Variants in GLIS3 observed in about 807,000 individuals in gnomAD.
The protein encoded by GLIS3 is zinc finger protein GLIS3.
In GLIS3, 53 loss-of-function variants were observed where a neutral mutation model predicts 78.6. The ratio of observed to expected loss-of-function variants is 0.67; its 90% CI spans 0.54 to 0.85. GLIS3 has a LOEUF of 0.85. Among genes scored for constraint, GLIS3 ranks in the 40% least tolerant of loss-of-function variants. The pLI is 0.00. For synonymous variants in GLIS3, 684 were observed against 509.9 expected (o/e 1.34, Z -4.60); for missense variants, 1,703 against 1,231.1 (o/e 1.38, Z -5.74).
At chr9:4,176,814 G>C (rs932036867) in intron 2 of GLIS3, among the ~76,000 whole-genome samples, 4 of 152,190 alleles carry the variant, frequency 2.6e-5, no homozygotes, top group African/African-American at 9.7e-5. Context: ...AGTAGACATG[G>C]GGTTTCACCA....
At chr9:4,232,759 T>C (rs1432955685) in intron 2 of GLIS3, among the ~76,000 whole-genome samples, 1 of 152,200 alleles carries the variant, frequency 6.6e-6, no homozygotes, top group African/African-American at 2.4e-5. Flanking sequence ...ATTAAGAGAC[T>C]ATCTGTGTCA....
intron 6 of GLIS3, among the ~76,000 whole-genome samples, chr9:3,915,007 CAT>C (rs1379296197): frequency 2.1e-3 from 2 of 950 alleles, no homozygotes; most frequent in African/African-American, 8.3e-3. Context: ...TAGAGCAATG[CAT>C]GTCTTAGAGC....
At position 4,320,010 on chromosome 9, in the gene GLIS3, TGTGTGTGTGTGTGTGC is replaced by T. The variant is rs1266010864; in HGVS notation, n.265-9498_265-9483del. On this transcript the variant is annotated intron_variant and non_coding_transcript_variant, in intron 2 of 4. Transcript: ENST00000471664. ...GTGTGTGTGTGTGTGTGTGTGTGTG[TGTGTGTGTGTGTGTGC>T]GCGCGCACAAGAGTCAAATTAGTTG... Among the ~76,000 whole-genome samples the T allele has an allele frequency of 9.8e-3, 416 of 42,540 alleles. 1 individual carries two copies. The highest frequency in any genetic ancestry group is 0.029 in the East Asian group (32 of 1,086). The allele number at this position is 42,540 out of a possible 152,430, so 27.9% of individuals were successfully genotyped here.
At chr9:4,196,775 A>G (rs1381694947) in intron 2 of GLIS3, among the ~76,000 whole-genome samples, 1 of 152,190 alleles carries the variant, frequency 6.6e-6, no homozygotes, top group African/African-American at 2.4e-5. Flanking sequence ...AGTCAGTGAG[A>G]CCAAGAACCC....
intron 4 of GLIS3, among the ~76,000 whole-genome samples, chr9:4,045,822 T>C (rs1253941619): frequency 6.6e-6 from 1 of 152,116 alleles, no homozygotes; most frequent in Non-Finnish European, 1.5e-5. Flanking sequence ...CCGTCAGATA[T>C]CTTTGAGTAC....
intron 1 of GLIS3, among the ~76,000 whole-genome samples, chr9:4,290,383 T>G (rs1187936590): frequency 1.3e-5 from 2 of 152,140 alleles, no homozygotes; most frequent in Non-Finnish European, 2.9e-5. Flanking sequence ...ATAAGAGTTT[T>G]TATTGATCCT....
At position 4,278,118 on chromosome 9, in the gene GLIS3, C is replaced by T. The variant is rs182913057; in HGVS notation, c.388+7920G>A. On this transcript the variant is annotated intron_variant, in intron 2 of 10. Transcript: ENST00000381971. ...TCGTAGACAGAGCAAAAAAAATACACTGATGTTGCTGAAAACACTGACAAG... is the reference window on the plus strand; with the variant it reads ...TCGTAGACAGAGCAAAAAAAATACATTGATGTTGCTGAAAACACTGACAAG... Among the ~76,000 whole-genome samples the T allele has an allele frequency of 1.5e-3, 222 of 152,308 alleles. 1 individual carries two copies. Among genetic ancestry groups the T allele is most frequent in the South Asian group, 0.012 (60 of 4,826 alleles).
chr9:4,285,986 G>T (rs10758591), intron 2 of GLIS3, 52 bp downstream of exon 2: 28 of 1,607,062 alleles, frequency 1.7e-5, no homozygotes, highest in Non-Finnish European at 2.3e-5. Context: ...AATGGGATGG[G>T]GGAGAAAAAA....
chr9:3,921,953 CT>C (rs373070997), intron 6 of GLIS3, among the ~76,000 whole-genome samples: 1 of 151,626 alleles, frequency 6.6e-6, no homozygotes, highest in Non-Finnish European at 1.5e-5. Flanking sequence ...CACACTCACA[CT>C]TCACATTGGT....
intron 2 of GLIS3, among the ~76,000 whole-genome samples, chr9:4,339,038 G>A (rs1817796885): frequency 6.6e-6 from 1 of 152,204 alleles, no homozygotes; most frequent in East Asian, 1.9e-4. Flanking sequence ...CCCTCCTGGT[G>A]AGTTCATGAA....
At position 4,282,440 on chromosome 9, in the gene GLIS3, A is replaced by G. The variant is rs187437770; in HGVS notation, c.388+3598T>C. 2.6e-5 allele frequency among the ~76,000 whole-genome samples: 4 copies of G among 152,308 alleles called. No homozygotes were observed. The East Asian group carries it at 5.8e-4, about 22-fold the overall frequency. ...CATCAGTTGAAGTCCTGAATAGAAC[A>G]AGGTTGACCCTCGCCCCCGACAAGA... On this transcript the variant is annotated intron_variant, in intron 2 of 10. Coordinates refer to ENST00000381971, the MANE Select transcript of GLIS3 (RefSeq NM_001042413.2).
At chr9:4,235,414 A>C (rs1822639911) in intron 2 of GLIS3, among the ~76,000 whole-genome samples, 1 of 152,170 alleles carries the variant, frequency 6.6e-6, no homozygotes, top group African/African-American at 2.4e-5. Flanking sequence ...CTTAAGACTC[A>C]AAATGCAACT....
chr9:4,344,946 T>G (rs1817879756), intron 2 of GLIS3, among the ~76,000 whole-genome samples: 1 of 152,196 alleles, frequency 6.6e-6, no homozygotes, highest in Non-Finnish European at 1.5e-5. Flanking sequence ...TGCACTCCAT[T>G]CCAAGTTGTA....
intron 9 of GLIS3, among the ~76,000 whole-genome samples, chr9:3,837,226 G>A (rs545602717): frequency 7.2e-5 from 11 of 152,180 alleles, no homozygotes; most frequent in Non-Finnish European, 1.0e-4. Flanking sequence ...ACGAATTGGA[G>A]CATCTTTGGT....
At chr9:4,473,894 A>G in the GLIS3 span, among the ~76,000 whole-genome samples, 4 of 152,200 alleles carry the variant, frequency 2.6e-5, no homozygotes, top group Non-Finnish European at 5.9e-5. Context: ...ACCTGTATGT[A>G]GAAAACTGCA....
intron 1 of GLIS3, among the ~76,000 whole-genome samples, chr9:4,298,005 C>T (rs1433117807): frequency 3.3e-5 from 5 of 152,160 alleles, no homozygotes; most frequent in Non-Finnish European, 7.4e-5. Context: ...CCCCGTCACT[C>T]CCCCGCCGCC....
chr9:4,391,677 G>C, the GLIS3 span, among the ~76,000 whole-genome samples: 1 of 152,270 alleles, frequency 6.6e-6, no homozygotes, highest in African/African-American at 2.4e-5. Flanking sequence ...TCTCGATTAA[G>C]AGCAGGAAAT....
intron 4 of GLIS3, among the ~76,000 whole-genome samples, chr9:4,093,085 T>A (rs891168668): frequency 1.3e-5 from 2 of 152,180 alleles, no homozygotes; most frequent in Non-Finnish European, 2.9e-5. Context: ...CATGTTGTTA[T>A]GTGGCACATG....
intron 4 of GLIS3, among the ~76,000 whole-genome samples, chr9:4,110,866 T>G (rs1227540669): frequency 6.6e-6 from 1 of 152,240 alleles, no homozygotes; most frequent in Non-Finnish European, 1.5e-5. Flanking sequence ...TTCTGAAAGA[T>G]CAAAGAGAAT....
Sources: allele counts gnomAD v4.1 joint callset (sites outside exome capture counted in the v4.1 genomes callset), GRCh38; gene constraint gnomAD v4.1.1; transcripts MANE v1.5; gene names NCBI Gene and HGNC (gene_info 2026-07-23, HGNC 2026-07-21).